The following ZNF382 variants were observed in gnomAD, a reference collection of about 807,000 sequenced individuals.
ZNF382 encodes KRAB/zinc finger suppressor protein 1.
ZNF382 carries 20 observed loss-of-function variants against 38.8 expected under a neutral mutation model. The ratio of observed to expected loss-of-function variants is 0.51; its 90% CI spans 0.36 to 0.75. ZNF382 has a LOEUF of 0.75. Ranked by LOEUF, ZNF382 falls within the 30% of genes least tolerant of loss-of-function variation. The pLI is 0.00. For synonymous variants in ZNF382, 202 were observed against 223.1 expected (o/e 0.91, Z 0.84); for missense variants, 546 against 654.1 (o/e 0.83, Z 1.80).
chr19:36,612,425 A>T (rs765756331), intron 4 of ZNF382, among the ~76,000 whole-genome samples: 6 of 152,226 alleles, frequency 3.9e-5, no homozygotes, highest in Admixed American at 1.3e-4. Context: ...TCTTGTAAAA[A>T]TATTTTTGTG....
chr19:36,612,621 C>T (rs1039820715), intron 4 of ZNF382, among the ~76,000 whole-genome samples: 6 of 152,148 alleles, frequency 3.9e-5, no homozygotes, highest in African/African-American at 1.2e-4. Context: ...ACGTTCTTTT[C>T]TACATTTTAT....
rs1409809828 is a variant in ZNF382, at chr19:36,629,741, C to T, written c.*2191C>T. On this transcript the variant is annotated 3_prime_UTR_variant, in exon 5 of 5. Transcript: ENST00000292928. ...TTGAGCCCAGGAGTTCGAGACCAGC[C>T]TGGGAAACATGCCAAAACCCCATCT... The T allele has an allele frequency of 6.6e-6, 1 of 151,924 alleles. No homozygotes were observed. Among genetic ancestry groups the T allele is most frequent in the Admixed American group, 6.6e-5 (1 of 15,220 alleles). 9.4% of individuals were successfully genotyped at this position (151,924 alleles called of 1,614,324 possible). A position where few individuals can be genotyped will look rare whatever the true frequency, so the allele number is the denominator to read the frequency against.
Position 36,628,582 on chromosome 19 carries a change from A to T in ZNF382, c.*1032A>T, listed in dbSNP as rs2037233720. ...CTTCCAGGCAAATGTAATAAACGTG[A>T]CATTGCCGTTAGCCACAGTAAATGC... On this transcript the variant is annotated 3_prime_UTR_variant, in exon 5 of 5. Transcript: ENST00000292928. 6.5e-6 allele frequency: 1 copy of T among 152,694 alleles called. No homozygotes were observed. The highest frequency in any genetic ancestry group is 2.1e-4 in the South Asian group (1 of 4,832). 9.5% of individuals were successfully genotyped at this position (152,694 alleles called of 1,614,324 possible). A position where few individuals can be genotyped will look rare whatever the true frequency, so the allele number is the denominator to read the frequency against.
intron 4 of ZNF382, among the ~76,000 whole-genome samples, chr19:36,625,550 C>CTT (rs55992712): frequency 0.039 from 5,291 of 137,172 alleles, 322 homozygotes; most frequent in African/African-American, 0.13. Flanking sequence ...GCTCACTTAT[C>CTT]TTTTTTTTTT....
At chr19:36,610,772 T>G (rs1338318945) in intron 4 of ZNF382, 30 bp downstream of exon 4, 1 of 1,528,362 alleles carries the variant, frequency 6.5e-7, no homozygotes, top group Non-Finnish European at 9.0e-7. Flanking sequence ...CTAGTGAACA[T>G]TAAATGTCAA....
At chr19:36,609,298 C>T (rs1284825694) in intron 2 of ZNF382, 1 of 152,082 alleles carries the variant, frequency 6.6e-6, no homozygotes, top group Non-Finnish European at 1.5e-5. Context: ...ATCTTTAAGA[C>T]CACTGTTCTG....
At chr19:36,609,457 A>C (rs991358529) in intron 2 of ZNF382, 1 of 152,570 alleles carries the variant, frequency 6.6e-6, no homozygotes, top group East Asian at 1.9e-4. Flanking sequence ...CTCCCCATGA[A>C]TTTTTAAAAG....
intron 4 of ZNF382, among the ~76,000 whole-genome samples, chr19:36,619,135 AG>A (rs1418987330): frequency 1.3e-5 from 2 of 152,242 alleles, no homozygotes; most frequent in Non-Finnish European, 2.9e-5. Flanking sequence ...AGAACTTAGA[AG>A]AACTTTGTGC....
At chr19:36,616,186 C>T (rs2037124555) in intron 4 of ZNF382, among the ~76,000 whole-genome samples, 1 of 152,100 alleles carries the variant, frequency 6.6e-6, no homozygotes, top group African/African-American at 2.4e-5. Context: ...GTGAGGCCAG[C>T]CTGGGCAACA....
rs2037217144 is a variant in ZNF382 at position 36,626,751 on chromosome 19, T to C, written c.854T>C (p.Met285Thr). 1 of 1,614,252 alleles carries C rather than the reference T, an allele frequency of 6.2e-7. No individual in the cohort carries two copies. The highest frequency in any genetic ancestry group is 8.5e-7 in the Non-Finnish European group (1 of 1,180,048). ...KFLCRKPVFI[M>T]PQRPQTEEKP... ...CTCTGCAGAAAGCCTGTTTTTATTATGCCTCAGAGACCTCAAACAGAAGAG... is the reference window on the plus strand; with the variant it reads ...CTCTGCAGAAAGCCTGTTTTTATTACGCCTCAGAGACCTCAAACAGAAGAG... The change falls in exon 5 of 5, where the codon ATG (methionine) becomes ACG (threonine). Residue 285 changes from methionine (M) to threonine (T), a missense_variant. By Grantham distance (81) the Met-to-Thr change is moderately conservative (BLOSUM62 -1). Coordinates refer to ENST00000292928, the MANE Select transcript of ZNF382 (RefSeq NM_032825.5).
chr19:36,608,035 T>C (rs1424616832), intron 2 of ZNF382: 1 of 166,234 alleles, frequency 6.0e-6, no homozygotes, highest in Non-Finnish European at 1.3e-5. Flanking sequence ...TGGGAATATA[T>C]GGCTTGAATG....
In ZNF382 at chr19:36,627,633, G is replaced by A. The variant is rs2037226349; in HGVS notation, c.*83G>A. ...TTGCTTGCAAGCGTAATATCCAACA[G>A]TTTAAGGTACTATACCACATGGTAA... On this transcript the variant is annotated 3_prime_UTR_variant, in exon 5 of 5. Transcript: ENST00000292928. The A allele has an allele frequency of 5.0e-6, 5 of 1,008,128 alleles. No homozygotes were observed. In the Admixed American group the frequency reaches 1.1e-4, roughly 22 times the overall value. The allele number at this position is 1,008,128 out of a possible 1,614,324, so 62.4% of individuals were successfully genotyped here. A position where few individuals can be genotyped will look rare whatever the true frequency, so the allele number is the denominator to read the frequency against.
At chr19:36,609,857 C>T in intron 2 of ZNF382, 45 bp from the exon 3 acceptor site, 2 of 1,528,626 alleles carry the variant, frequency 1.3e-6, no homozygotes, top group Non-Finnish European at 8.8e-7. Context: ...ATTGTCAGTA[C>T]TAGGTCTCCA....
In ZNF382 at chr19:36,632,646, G is replaced by C. The variant is rs765833082; in HGVS notation, c.*5096G>C. 6.6e-6 allele frequency: 1 copy of C among 152,206 alleles called. No individual in the cohort carries two copies. The highest frequency in any genetic ancestry group is 6.5e-5 in the Admixed American group (1 of 15,280). The allele number at this position is 152,206 out of a possible 1,614,324, so 9.4% of individuals were successfully genotyped here. ...AATATCAGACTTTAACTAGTACCTT[G>C]TATAGCTCACTGGCCTTATCCCAAC... On this transcript the variant is annotated 3_prime_UTR_variant, in exon 5 of 5. Coordinates refer to ENST00000292928, the MANE Select transcript of ZNF382 (RefSeq NM_032825.5).
At position 36,627,089 on chromosome 19, in the gene ZNF382, C is replaced by A; in HGVS notation, c.1192C>A (p.His398Asn). Residue 398 changes from histidine (H) to asparagine (N), a missense_variant, in exon 5 of 5, where the codon CAC becomes AAC. His to Asn is a moderately conservative substitution (Grantham distance 68). Coordinates refer to ENST00000292928, the MANE Select transcript of ZNF382 (RefSeq NM_032825.5). ...AFRKKSYLID[H>N]QRTHTGEKPY... is the part of the protein sequence containing the mutation. ...TAGGAAGAAGTCATACCTCATTGATCACCAGAGAACTCACACAGGAGAGAA... is the reference window on the plus strand; with the variant it reads ...TAGGAAGAAGTCATACCTCATTGATAACCAGAGAACTCACACAGGAGAGAA... The A allele has an allele frequency of 6.2e-7, 1 of 1,614,102 alleles. No homozygotes were observed. Among genetic ancestry groups the A allele is most frequent in the South Asian group, 1.1e-5 (1 of 91,070 alleles).
Position 36,626,844 on chromosome 19 carries a change from G to A in ZNF382, c.947G>A (p.Arg316Gln), listed in dbSNP as rs747367431. ...RRKSYLIEHQ[R>Q]IHTGEKPYVC... ...AAGTCATACCTCATTGAACATCAGC[G>A]AATTCACACAGGTGAAAAACCTTAT... Residue 316 changes from arginine to glutamine, a missense_variant, in exon 5 of 5, where the codon CGA becomes CAA. Coordinates refer to ENST00000292928, the MANE Select transcript of ZNF382 (RefSeq NM_032825.5). 16 of 1,614,114 alleles carry A rather than the reference G, an allele frequency of 9.9e-6. No homozygotes were observed. The highest frequency in any genetic ancestry group is 5.3e-5 in the African/African-American group (4 of 74,950).
rs2037064120 is a variant in ZNF382, at chr19:36,609,985, T to C, written c.71T>C (p.Leu24Pro). 1 of 1,613,828 alleles carries C rather than the reference T, an allele frequency of 6.2e-7. No individual in the cohort carries two copies. The highest frequency in any genetic ancestry group is 1.7e-5 in the Admixed American group (1 of 59,892). Reference sequence around the variant, plus strand: ...TTCACCCAGGAGGAGTGGCAGCAACTAGACCCTGCTCAGAAGGCGCTTTAC... The same window carrying C: ...TTCACCCAGGAGGAGTGGCAGCAACCAGACCCTGCTCAGAAGGCGCTTTAC... ...VDFTQEEWQQ[L>P]DPAQKALYRD... The change falls in exon 3 of 5, where the codon CTA (leucine) becomes CCA (proline). Residue 24 changes from leucine (L) to proline (P), a missense_variant. Leu to Pro is a moderately conservative substitution (Grantham distance 98). Transcript: ENST00000292928.
In ZNF382 at chr19:36,629,946, G is replaced by A. The variant is rs2037242805; in HGVS notation, c.*2396G>A. 1 of 151,984 alleles carries A rather than the reference G, an allele frequency of 6.6e-6. No individual in the cohort carries two copies. The highest frequency in any genetic ancestry group is 6.6e-5 in the Admixed American group (1 of 15,236). 9.4% of individuals were successfully genotyped at this position (151,984 alleles called of 1,614,324 possible). A position where few individuals can be genotyped will look rare whatever the true frequency, so the allele number is the denominator to read the frequency against. On this transcript the variant is annotated 3_prime_UTR_variant, in exon 5 of 5. Coordinates refer to ENST00000292928, the MANE Select transcript of ZNF382 (RefSeq NM_032825.5). The stretch of plus-strand genomic sequence containing the variant: ...TCTCATAAATAAATAAATACATAAA[G>A]GTGTAAATATATGGATTCTAGAGTC...
chr19:36,625,851 G>A lies in ZNF382; in HGVS notation c.233-279G>A, dbSNP rs567702483. Among the ~76,000 whole-genome samples, 226 of 152,248 alleles carry A rather than the reference G, an allele frequency of 1.5e-3. 1 individual carries two copies. Among genetic ancestry groups the A allele is most frequent in the African/African-American group, 5.2e-3 (214 of 41,550 alleles). On this transcript the variant is annotated intron_variant, in intron 4 of 4. Transcript: ENST00000292928. Reference sequence around the variant, plus strand: ...TGGGATTACAGCCATGAGCCACTGCGCCCGGCCATCCTTGTGTTTCCTATA... The same window carrying A: ...TGGGATTACAGCCATGAGCCACTGCACCCGGCCATCCTTGTGTTTCCTATA...
Sources: allele counts gnomAD v4.1 joint callset (sites outside exome capture counted in the v4.1 genomes callset), GRCh38; gene constraint gnomAD v4.1.1; transcripts MANE v1.5; gene names NCBI Gene and HGNC (gene_info 2026-07-23, HGNC 2026-07-21).